The following SHISA9 variants were observed in gnomAD, a reference collection of about 807,000 sequenced individuals.
SHISA9 encodes the protein protein shisa-9.
SHISA9 carries 13 observed loss-of-function variants against 38.0 expected under a neutral mutation model. The ratio of observed to expected loss-of-function variants is 0.34; its 90% CI spans 0.22 to 0.54. The LOEUF (loss-of-function observed/expected upper bound fraction) is 0.54, where lower values mean the gene tolerates loss of function less well. SHISA9 is among the 20% of genes least tolerant of loss of function. The probability of loss-of-function intolerance (pLI) is 0.91; values close to 1 mark genes in which losing one functional copy is unlikely to be tolerated. For synonymous variants in SHISA9, 275 were observed against 242.0 expected, an observed-to-expected ratio of 1.14 and a Z score of -1.27; for missense variants, 538 against 575.8, an observed-to-expected ratio of 0.93 and a Z score of 0.67.
At chr16:13,487,835 C>G in the SHISA9 span, among the ~76,000 whole-genome samples, 43,333 of 152,072 alleles carry the variant, frequency 0.28, 6,766 homozygotes, top group East Asian at 0.37. Context: ...ACATGTAACC[C>G]TTGGATACAG....
At chr16:13,398,557 G>A in the SHISA9 span, among the ~76,000 whole-genome samples, 1 of 149,826 alleles carries the variant, frequency 6.7e-6, no homozygotes, top group African/African-American at 2.5e-5. Flanking sequence ...CTAGAGTGAA[G>A]TGGCATGATC....
chr16:13,222,129 T>C (rs1149405), intron 4 of SHISA9, among the ~76,000 whole-genome samples: 71,284 of 151,800 alleles, frequency 0.47, 17,493 homozygotes, highest in East Asian at 0.75. Flanking sequence ...GACTTATTCA[T>C]TATCACAAGA....
At chr16:12,989,876 C>T (rs960250677) in intron 2 of SHISA9, among the ~76,000 whole-genome samples, 3 of 152,064 alleles carry the variant, frequency 2.0e-5, no homozygotes, top group Admixed American at 6.6e-5. Flanking sequence ...CAGATCATCC[C>T]GTCGCCTGGG....
At chr16:13,285,159 T>C in the SHISA9 span, among the ~76,000 whole-genome samples, 106 of 152,304 alleles carry the variant, frequency 7.0e-4, no homozygotes, top group Non-Finnish European at 1.1e-3. Flanking sequence ...GTTTGAGAGT[T>C]CAGGTGTTTT....
chr16:13,285,462 G>GTTTTTTTTTT, the SHISA9 span, among the ~76,000 whole-genome samples: 13 of 95,788 alleles, frequency 1.4e-4, no homozygotes, highest in African/African-American at 4.6e-4. Flanking sequence ...TTCAGGTGTA[G>GTTTTTTTTTT]TTTTTTTTTT....
At chr16:12,998,831 C>A in intron 2 of SHISA9, among the ~76,000 whole-genome samples, 1 of 152,234 alleles carries the variant, frequency 6.6e-6, no homozygotes. Flanking sequence ...TCAGTGCTTA[C>A]GTTGATCTTC....
the SHISA9 span, among the ~76,000 whole-genome samples, chr16:13,311,398 A>G: frequency 1.3e-5 from 2 of 152,120 alleles, no homozygotes; most frequent in Non-Finnish European, 1.5e-5. Flanking sequence ...TTAAATGAGA[A>G]TTCAATATTT....
chr16:13,549,938 G>A, the SHISA9 span, among the ~76,000 whole-genome samples: 5 of 151,692 alleles, frequency 3.3e-5, no homozygotes, highest in African/African-American at 1.2e-4. Flanking sequence ...CAGGAGAATC[G>A]CTTGAACCCA....
chr16:13,264,500 C>A, the SHISA9 span, among the ~76,000 whole-genome samples: 5 of 152,046 alleles, frequency 3.3e-5, no homozygotes, highest in Non-Finnish European at 7.4e-5. Flanking sequence ...TGGAGGAAAC[C>A]AGGGGCGGAG....
chr16:13,211,142 C>T (rs1255788030), intron 3 of SHISA9, among the ~76,000 whole-genome samples: 1 of 151,880 alleles, frequency 6.6e-6, no homozygotes, highest in Non-Finnish European at 1.5e-5. Context: ...ACTAAAAATA[C>T]AAAAATTAGC....
chr16:13,462,215 G>A, the SHISA9 span, among the ~76,000 whole-genome samples: 1 of 151,810 alleles, frequency 6.6e-6, no homozygotes, highest in Non-Finnish European at 1.5e-5. Flanking sequence ...AGATGAGCCT[G>A]GGCAACATGG....
At chr16:13,482,418 T>G in the SHISA9 span, among the ~76,000 whole-genome samples, 1 of 152,238 alleles carries the variant, frequency 6.6e-6, no homozygotes. Flanking sequence ...TGGGTTTCCT[T>G]AAATCCTGTC....
At chr16:13,014,500 T>C (rs186014337) in intron 2 of SHISA9, among the ~76,000 whole-genome samples, 67 of 152,348 alleles carry the variant, frequency 4.4e-4, no homozygotes, top group Non-Finnish European at 8.1e-4. Context: ...CTTTCAATTG[T>C]GCTTATTTCC....
intron 4 of SHISA9, among the ~76,000 whole-genome samples, chr16:13,230,682 A>G (rs899447053): frequency 6.6e-6 from 1 of 152,216 alleles, no homozygotes; most frequent in African/African-American, 2.4e-5. Flanking sequence ...GGGCGAGTCC[A>G]TAGAGTAAAG....
At chr16:13,518,150 G>A in the SHISA9 span, among the ~76,000 whole-genome samples, 2 of 152,158 alleles carry the variant, frequency 1.3e-5, no homozygotes, top group South Asian at 4.1e-4. Flanking sequence ...TTAGCTCCTA[G>A]GCCAGGGGAG....
the SHISA9 span, among the ~76,000 whole-genome samples, chr16:13,329,682 G>A: frequency 1.8e-4 from 28 of 152,164 alleles, no homozygotes; most frequent in Non-Finnish European, 2.5e-4. Flanking sequence ...AACATGCCCA[G>A]GACAACCTGC....
the SHISA9 span, among the ~76,000 whole-genome samples, chr16:13,430,005 C>T: frequency 2.6e-5 from 4 of 152,054 alleles, no homozygotes; most frequent in South Asian, 6.2e-4. Context: ...CCCAATACAA[C>T]GTGATTAATA....
At chr16:13,322,937 G>T in the SHISA9 span, among the ~76,000 whole-genome samples, 1 of 152,046 alleles carries the variant, frequency 6.6e-6, no homozygotes, top group Non-Finnish European at 1.5e-5. Context: ...TTCATGTCAC[G>T]TCCAGTACCT....
intron 1 of SHISA9, among the ~76,000 whole-genome samples, chr16:12,905,008 G>GTT (rs1489076781): frequency 6.6e-6 from 1 of 152,144 alleles, no homozygotes; most frequent in Non-Finnish European, 1.5e-5. Context: ...ATGAGCCACT[G>GTT]TGCCCGATTG....
Sources: allele counts gnomAD v4.1 joint callset (sites outside exome capture counted in the v4.1 genomes callset), GRCh38; gene constraint gnomAD v4.1.1; transcripts MANE v1.5; gene names NCBI Gene and HGNC (gene_info 2026-07-23, HGNC 2026-07-21).